Variants in F8 observed in about 807,000 individuals in gnomAD.
F8 encodes the protein antihemophilic factor.
In F8, 12 loss-of-function variants were observed where a neutral mutation model predicts 140.6. The observed-to-expected ratio is 0.09, with a 90% confidence interval of 0.05 to 0.14. F8 has a LOEUF of 0.14. F8 is among the 10% of genes least tolerant of loss of function. The pLI is 1.00. For synonymous variants in F8, 585 were observed against 614.6 expected, an observed-to-expected ratio of 0.95 and a Z score of 0.71; for missense variants, 1,354 against 1,720.7, an observed-to-expected ratio of 0.79 and a Z score of 3.77.
chrX:154,951,211 A>G (rs1242702171), intron 12 of F8, among the ~76,000 whole-genome samples: 1 of 111,731 alleles, frequency 9.0e-6, no homozygotes, highest in Non-Finnish European at 1.9e-5. Context: ...CAATTTCCCT[A>G]TCATTTGTAG....
At chrX:154,935,229 G>A (rs1326389302) in intron 13 of F8, among the ~76,000 whole-genome samples, 1 of 111,540 alleles carries the variant, frequency 9.0e-6, no homozygotes, top group South Asian at 3.8e-4. Flanking sequence ...TTGCCAAGGA[G>A]AAGATAAAAC....
rs782792194 is a variant in F8, at chrX:154,951,888, GA to G, written c.1903+2003del. Among the ~76,000 whole-genome samples the G allele has an allele frequency of 2.2e-3, 247 of 110,406 alleles. 1 individual carries two copies. The highest frequency in any genetic ancestry group is 4.1e-3 in the Non-Finnish European group (218 of 52,740). ...AAAAGCTATATTAGAAATCCCAGAG[GA>G]AAAAAAATATATATCATCTTCAGTG... On this transcript the variant is annotated intron_variant, in intron 12 of 25. Transcript: ENST00000360256.
intron 1 of F8, among the ~76,000 whole-genome samples, chrX:155,004,123 A>G (rs915896508): frequency 2.7e-5 from 3 of 111,278 alleles, no homozygotes; most frequent in Admixed American, 1.9e-4. Flanking sequence ...GCAAAGATAA[A>G]AATTACATCC....
At chrX:155,018,286 T>C (rs782112959) in intron 1 of F8, among the ~76,000 whole-genome samples, 1 of 112,379 alleles carries the variant, frequency 8.9e-6, no homozygotes, top group African/African-American at 3.2e-5. Flanking sequence ...TAAAGGTATA[T>C]GGAGCTAGCA....
rs191843266 is a variant in F8, at chrX:154,963,584, G to A, written c.1443+2386C>T. Among the ~76,000 whole-genome samples, 143 of 111,632 alleles carry A rather than the reference G, an allele frequency of 1.3e-3. 2 individuals are homozygous for A. Among genetic ancestry groups the A allele is most frequent in the Non-Finnish European group, 1.5e-4 (8 of 53,130 alleles). ...ATATACCTAGTAATGGGATGGCTGGGTCAAATGGTTTTTCTTTTGTTGCTT... is the reference window on the plus strand; with the variant it reads ...ATATACCTAGTAATGGGATGGCTGGATCAAATGGTTTTTCTTTTGTTGCTT... On this transcript the variant is annotated intron_variant, in intron 9 of 25. Transcript: ENST00000360256.
chrX:154,854,260 T>A (rs1557272330), intron 25 of F8, among the ~76,000 whole-genome samples: 1 of 112,113 alleles, frequency 8.9e-6, no homozygotes, highest in Non-Finnish European at 1.9e-5. Flanking sequence ...TTTGGTGAGA[T>A]TAACATTTGA....
intron 6 of F8, among the ~76,000 whole-genome samples, chrX:154,978,213 T>C (rs955377483): frequency 3.6e-5 from 4 of 110,937 alleles, no homozygotes; most frequent in Non-Finnish European, 7.5e-5. Context: ...TCTCACTGAG[T>C]TTATTTAGTA....
chrX:154,926,176 G>C (rs782807554), intron 14 of F8, among the ~76,000 whole-genome samples: 1 of 112,107 alleles, frequency 8.9e-6, no homozygotes, highest in East Asian at 2.8e-4. Context: ...TGCCATGATT[G>C]TGAGGCCTCC....
chrX:154,968,034 T>C (rs2073434490), intron 7 of F8, among the ~76,000 whole-genome samples: 2 of 112,083 alleles, frequency 1.8e-5, no homozygotes, highest in African/African-American at 6.5e-5. Flanking sequence ...AAAGAAATGC[T>C]ATTAAATATA....
chrX:154,949,955 T>C (rs782629188), intron 12 of F8, among the ~76,000 whole-genome samples: 47 of 110,933 alleles, frequency 4.2e-4, no homozygotes, highest in Admixed American at 3.5e-3. Context: ...TCAGTAGAGA[T>C]GGGGTTTCAC....
At chrX:154,914,859 A>C (rs1557276977) in intron 14 of F8, among the ~76,000 whole-genome samples, 1 of 111,522 alleles carries the variant, frequency 9.0e-6, no homozygotes, top group African/African-American at 3.3e-5. Context: ...CCTGTTACAC[A>C]GTTCCAAAGT....
intron 22 of F8, among the ~76,000 whole-genome samples, chrX:154,870,000 A>T (rs2072760364): frequency 8.9e-6 from 1 of 112,251 alleles, no homozygotes; most frequent in East Asian, 2.8e-4. Context: ...AGCCAGGAAG[A>T]AGTTGAATCC....
intron 14 of F8, chrX:154,909,089 A>G (rs1219951762): frequency 1.1e-5 from 3 of 284,653 alleles, no homozygotes. Context: ...TCTTTGACAG[A>G]CACATTCTTG....
intron 13 of F8, among the ~76,000 whole-genome samples, chrX:154,944,563 A>C (rs373666967): frequency 2.3e-4 from 25 of 109,972 alleles, no homozygotes; most frequent in African/African-American, 3.0e-4. Flanking sequence ...CACTTTTACA[A>C]TGTTGGTGGG....
intron 25 of F8, among the ~76,000 whole-genome samples, chrX:154,844,039 C>A (rs1378505015): frequency 1.1e-4 from 12 of 111,330 alleles, no homozygotes; most frequent in East Asian, 2.8e-4. Context: ...ACCATTTATT[C>A]AATAGGGAAT....
rs912550671 is a variant in F8, at chrX:154,841,068, T to C, written c.6901-3316A>G. Among the ~76,000 whole-genome samples, 10 of 111,526 alleles carry C rather than the reference T, an allele frequency of 9.0e-5. No homozygotes were observed. In the Admixed American group the frequency reaches 9.5e-4, roughly 11 times the overall value. On this transcript the variant is annotated intron_variant, in intron 25 of 25. Transcript: ENST00000360256. ...GGGCTGGGTGGCTTACTAGGTTTCT[T>C]AGCCAGGAGTACCCTCTACTGTTGA... is the stretch of plus-strand genomic sequence containing the variant.
At chrX:154,942,529 C>T (rs1303484906) in intron 13 of F8, among the ~76,000 whole-genome samples, 3 of 111,201 alleles carry the variant, frequency 2.7e-5, no homozygotes, top group Non-Finnish European at 5.7e-5. Context: ...TAATCAATAG[C>T]TTACCAACCG....
intron 13 of F8, among the ~76,000 whole-genome samples, chrX:154,936,403 C>T (rs1011382930): frequency 4.0e-4 from 45 of 111,721 alleles, no homozygotes; most frequent in African/African-American, 1.5e-3. Context: ...ATATATACCA[C>T]ACAAACATTA....
At chrX:154,900,541 C>G (rs192158706) in intron 20 of F8, among the ~76,000 whole-genome samples, 1 of 111,713 alleles carries the variant, frequency 9.0e-6, no homozygotes, top group East Asian at 2.8e-4. Context: ...TTATTTATTA[C>G]GCAATGTATG....
Sources: allele counts gnomAD v4.1 joint callset (sites outside exome capture counted in the v4.1 genomes callset), GRCh38; gene constraint gnomAD v4.1.1; transcripts MANE v1.5; gene names NCBI Gene and HGNC (gene_info 2026-07-23, HGNC 2026-07-21).